CLDN19: variants seen among roughly 807,000 people sequenced by gnomAD.
CLDN19 encodes claudin-19.
Under a neutral mutation model 24.5 loss-of-function variants are expected in CLDN19, and 19 were observed. The ratio of observed to expected loss-of-function variants is 0.78; its 90% CI spans 0.54 to 1.14. The LOEUF is 1.14. Among genes scored for constraint, CLDN19 ranks in the 50% most tolerant of loss-of-function variants. The probability of loss-of-function intolerance (pLI) is 0.00; values close to 1 mark genes in which losing one functional copy is unlikely to be tolerated. For missense variants in CLDN19, 250 were observed against 295.9 expected (o/e 0.84, Z 1.14); for synonymous variants, 117 against 129.6 (o/e 0.90, Z 0.66).
At chr1:42,738,821 G>T (rs1651458796) in intron 1 of CLDN19, among the ~76,000 whole-genome samples, 1 of 152,146 alleles carries the variant, frequency 6.6e-6, no homozygotes, top group African/African-American at 2.4e-5. Context: ...GCCCTTGCAG[G>T]CTTTTCCGGT....
In CLDN19 at chr1:42,733,927, G is replaced by A. The variant is rs891756677; in HGVS notation, c.*1159C>T. On this transcript the variant is annotated 3_prime_UTR_variant, in exon 5 of 5. Transcript: ENST00000296387. ...AAGCTCGAAGGAGAAGCTGAGCTGC[G>A]TTCTTGAGATCTGGGGACGTGGTGG... 5.2e-5 allele frequency: 8 copies of A among 152,656 alleles called. No homozygotes were observed. The highest frequency in any genetic ancestry group is 1.9e-4 in the African/African-American group (8 of 41,480). 9.5% of individuals were successfully genotyped at this position (152,656 alleles called of 1,614,324 possible). A position where few individuals can be genotyped will look rare whatever the true frequency, so the allele number is the denominator to read the frequency against.
At chr1:42,735,836 C>T (rs781553369) in intron 4 of CLDN19, 42 bp downstream of exon 4, 2 of 1,558,304 alleles carry the variant, frequency 1.3e-6, no homozygotes, top group South Asian at 1.2e-5. Flanking sequence ...AAGGGGGCCA[C>T]TGGGTGGGGG....
chr1:42,736,203 C>T (rs533213328), intron 3 of CLDN19, among the ~76,000 whole-genome samples, 173 bp from the exon 4 acceptor site: 2 of 152,264 alleles, frequency 1.3e-5, no homozygotes, highest in Admixed American at 6.5e-5. Context: ...CCCTCCCCCC[C>T]AGCCCAGAAT....
In CLDN19 at chr1:42,735,962, A is replaced by T. The variant is rs1003712779; in HGVS notation, c.542T>A (p.Phe181Tyr). 1 of 1,576,620 alleles carries T rather than the reference A, an allele frequency of 6.3e-7. No individual in the cohort carries two copies. Among genetic ancestry groups the T allele is most frequent in the Non-Finnish European group, 8.6e-7 (1 of 1,161,442 alleles). The change falls in exon 4 of 5, where the codon TTC (phenylalanine) becomes TAC (tyrosine). Residue 181 changes from phenylalanine to tyrosine, a missense_variant. Coordinates refer to ENST00000296387, the MANE Select transcript of CLDN19 (RefSeq NM_148960.3). The part of the protein sequence containing the change: ...SAGLAVLGGS[F>Y]LCCTCPEPER... ...TGGCTCCGGGCATGTGCAGCAGAGG[A>T]AGGAGCCGCCCAGCACGGCCAGGCC...
At chr1:42,735,297 G>C in intron 4 of CLDN19, 163 bp from the exon 5 acceptor site, 1 of 1,510,536 alleles carries the variant, frequency 6.6e-7, no homozygotes, top group South Asian at 1.3e-5. Context: ...GGGCGCCATG[G>C]TCCGACCTCA....
At chr1:42,738,115 G>A (rs978467773) in intron 3 of CLDN19, 114 bp downstream of exon 3, 11 of 979,942 alleles carry the variant, frequency 1.1e-5, no homozygotes, top group Admixed American at 1.1e-4. Context: ...CCCCTTTAAA[G>A]CTTCTTGGAC....
At chr1:42,737,523 G>A (rs1308138604) in intron 3 of CLDN19, among the ~76,000 whole-genome samples, 1 of 152,214 alleles carries the variant, frequency 6.6e-6, no homozygotes, top group Non-Finnish European at 1.5e-5. Context: ...TCCAGGGCCC[G>A]GGCACGGTGC....
In CLDN19 at chr1:42,740,147, G is replaced by T; in HGVS notation, c.-84C>A. The T allele has an allele frequency of 1.0e-6, 1 of 1,001,418 alleles. No homozygotes were observed. The highest frequency in any genetic ancestry group is 1.5e-6 in the Non-Finnish European group (1 of 658,074). 62.0% of individuals were successfully genotyped at this position (1,001,418 alleles called of 1,614,324 possible). ...GGGCTTTGGTCATGGCCAGGTGGGA[G>T]GAGCAGCTGGGCAGGGGGAGCAGCG... On this transcript the variant is annotated 5_prime_UTR_variant, in exon 1 of 5. Transcript: ENST00000296387.
rs1287161397 is a variant in CLDN19 at position 42,733,523 on chromosome 1, C to T, written c.*1563G>A. The T allele has an allele frequency of 1.3e-5, 2 of 152,302 alleles. No homozygotes were observed. Among genetic ancestry groups the T allele is most frequent in the Non-Finnish European group, 2.9e-5 (2 of 68,114 alleles). 9.4% of individuals were successfully genotyped at this position (152,302 alleles called of 1,614,324 possible). ...ACTTCTGATGCCAGGTCCACCCAGA[C>T]CAATGAAATAAGAGTGTCTGGGGTT... On this transcript the variant is annotated 3_prime_UTR_variant, in exon 5 of 5. Coordinates refer to ENST00000296387, the MANE Select transcript of CLDN19 (RefSeq NM_148960.3).
In CLDN19 at chr1:42,734,158, G is replaced by C. The variant is rs2124027562; in HGVS notation, c.*928C>G. The C allele has an allele frequency of 6.6e-6, 1 of 152,606 alleles. No individual in the cohort carries two copies. The highest frequency in any genetic ancestry group is 2.4e-5 in the African/African-American group (1 of 41,562). The allele number at this position is 152,606 out of a possible 1,614,324, so 9.5% of individuals were successfully genotyped here. On this transcript the variant is annotated 3_prime_UTR_variant, in exon 5 of 5. Transcript: ENST00000296387. ...AGGGCACACTCTGGTTCAGGGAGAT[G>C]TAGGACAAAGGACTCTGGCCTTGGG...
intron 1 of CLDN19, among the ~76,000 whole-genome samples, chr1:42,739,597 G>A (rs1390019241): frequency 6.6e-6 from 1 of 152,196 alleles, no homozygotes. Context: ...TTGGTGACTA[G>A]TTCAAAGTTA....
chr1:42,738,298 G>A lies in CLDN19; in HGVS notation c.404C>T (p.Thr135Ile). 1 of 1,613,936 alleles carries A rather than the reference G, an allele frequency of 6.2e-7. No individual in the cohort carries two copies. Among genetic ancestry groups the A allele is most frequent in the Non-Finnish European group, 8.5e-7 (1 of 1,180,018 alleles). ...CAGGGTGGCATACCACGAGACAGCA[G>A]TCAAAGTGCAGAGGCCTAAAGACAA... Reference protein sequence around the residue: ...LFILAGLCTLTAVSWYATLVT... With the variant: ...LFILAGLCTLIAVSWYATLVT... The change falls in exon 3 of 5, where the codon ACT becomes ATT. Residue 135 changes from threonine to isoleucine, a missense_variant. Thr to Ile is a moderately conservative substitution (Grantham distance 89). Transcript: ENST00000296387.
rs1651500390 is a variant in CLDN19, at chr1:42,740,031, G to A, written c.33C>T (p.Tyr11=). ...CCACCCAGCCACCCAGGGCCAAGAAGTAGCCCAGGAGCTGGAGGCCTGAGT... is the reference window on the plus strand; with the variant it reads ...CCACCCAGCCACCCAGGGCCAAGAAATAGCCCAGGAGCTGGAGGCCTGAGT... MANSGLQLLG[Y]FLALGGWVGI... Residue 11 remains tyrosine (Y), a synonymous_variant, in exon 1 of 5, where the codon TAC becomes TAT. Coordinates refer to ENST00000296387, the MANE Select transcript of CLDN19 (RefSeq NM_148960.3). The A allele has an allele frequency of 6.4e-7, 1 of 1,562,854 alleles. No homozygotes were observed. Among genetic ancestry groups the A allele is most frequent in the African/African-American group, 1.4e-5 (1 of 73,752 alleles).
At chr1:42,738,100 G>A in intron 3 of CLDN19, 129 bp downstream of exon 3, 1 of 845,826 alleles carries the variant, frequency 1.2e-6, no homozygotes, top group Non-Finnish European at 2.0e-6. Context: ...ACTCCTCCTG[G>A]CGCCCCCCTT....
intron 3 of CLDN19, among the ~76,000 whole-genome samples, chr1:42,736,949 A>T (rs574128011): frequency 6.6e-6 from 1 of 152,022 alleles, no homozygotes. Flanking sequence ...TGTACCTGAG[A>T]TCTCCTCCCT....
Position 42,739,891 on chromosome 1 carries a change from C to T in CLDN19, c.173G>A (p.Ser58Asn). Residue 58 changes from serine to asparagine, a missense_variant, in exon 1 of 5, where the codon AGC becomes AAC. By Grantham distance (46) the Ser-to-Asn change is conservative (BLOSUM62 1). Transcript: ENST00000296387. ...EGLWMSCASQ[S>N]TGQVQCKLYD... The stretch of plus-strand genomic sequence containing the variant: ...GAGCTTGCACTGCACTTGCCCAGTG[C>T]TCTGGGAGGCGCAGGACATCCAGAG... 2 of 1,613,132 alleles carry T rather than the reference C, an allele frequency of 1.2e-6. No homozygotes were observed. Among genetic ancestry groups the T allele is most frequent in the Non-Finnish European group, 1.7e-6 (2 of 1,179,810 alleles).
chr1:42,739,200 C>G (rs1651470808), intron 1 of CLDN19, among the ~76,000 whole-genome samples: 1 of 152,184 alleles, frequency 6.6e-6, no homozygotes, highest in East Asian at 1.9e-4. Flanking sequence ...CCGCTCTGCT[C>G]CCAGCTCCCA....
At position 42,738,516 on chromosome 1, in the gene CLDN19, C is replaced by T. The variant is rs777556169; in HGVS notation, c.293G>A (p.Ser98Asn). ...CCGCGTACACTTCATGCCAACTACG[C>T]TGAGGACCATGGCCACGAAGCCCAG... is the stretch of plus-strand genomic sequence containing the variant. ...VLLGFVAMVL[S>N]VVGMKCTRVG... is the part of the protein sequence containing the mutation. Residue 98 changes from serine (S) to asparagine (N), a missense_variant, in exon 2 of 5, where the codon AGC becomes AAC. Coordinates refer to ENST00000296387, the MANE Select transcript of CLDN19 (RefSeq NM_148960.3). 3 of 1,614,046 alleles carry T rather than the reference C, an allele frequency of 1.9e-6. No homozygotes were observed. Among genetic ancestry groups the T allele is most frequent in the Non-Finnish European group, 2.5e-6 (3 of 1,180,036 alleles).
chr1:42,735,471 C>A lies in CLDN19; in HGVS notation c.627-337G>T, dbSNP rs941232493. On this transcript the variant is annotated intron_variant, in intron 4 of 4. Transcript: ENST00000296387. The stretch of plus-strand genomic sequence containing the variant: ...GGGGAGGGTGAAGGTTTCTGCTCAC[C>A]CCAAGGACCTGGGTACTAAGGTACG... 2.1e-6 allele frequency: 3 copies of A among 1,412,322 alleles called. No individual in the cohort carries two copies. The African/African-American group carries it at 4.3e-5, about 20-fold the overall frequency. The allele number at this position is 1,412,322 out of a possible 1,614,324, so 87.5% of individuals were successfully genotyped here. A position where few individuals can be genotyped will look rare whatever the true frequency, so the allele number is the denominator to read the frequency against.
Sources: gnomAD v4.1 joint callset for allele counts (sites outside exome capture counted in the v4.1 genomes callset) on GRCh38, gnomAD v4.1.1 for gene constraint, MANE v1.5 for transcripts, NCBI Gene and HGNC (gene_info 2026-07-23, HGNC 2026-07-21) for gene names.